Variants in PGLYRP4 observed in about 807,000 individuals in gnomAD.
The protein encoded by PGLYRP4 is peptidoglycan recognition protein 4.
Under a neutral mutation model 41.2 loss-of-function variants are expected in PGLYRP4, and 39 were observed. The observed-to-expected ratio is 0.95, with a 90% CI of 0.73 to 1.24. PGLYRP4 has a LOEUF of 1.24. PGLYRP4 is among the 50% of genes most tolerant of loss of function. The probability of loss-of-function intolerance (pLI) is 0.00; values close to 1 mark genes in which losing one functional copy is unlikely to be tolerated. For synonymous variants in PGLYRP4, 202 were observed against 186.8 expected, an observed-to-expected ratio of 1.08 and a Z score of -0.66; for missense variants, 467 against 460.7, an observed-to-expected ratio of 1.01 and a Z score of -0.13.
chr1:153,340,580 C>T lies in PGLYRP4; in HGVS notation c.626-1G>A, dbSNP rs1290764318. The T allele has an allele frequency of 1.2e-6, 2 of 1,613,498 alleles. No individual in the cohort carries two copies. Among genetic ancestry groups the T allele is most frequent in the Non-Finnish European group, 8.5e-7 (1 of 1,179,916 alleles). On this transcript the variant is annotated splice_acceptor_variant, in intron 6 of 8. Coordinates refer to ENST00000359650, the MANE Select transcript of PGLYRP4 (RefSeq NM_020393.4). LOFTEE classifies it high-confidence loss of function. ...GACCGTGGGACAACGCCGGGGCAAG[C>T]TGAGGTGGGGCGAGAAACCACAGAG...
chr1:153,341,788 G>C lies in PGLYRP4; in HGVS notation c.473-9C>G, dbSNP rs1660815165. 6.2e-7 allele frequency: 1 copy of C among 1,603,090 alleles called. No individual in the cohort carries two copies. Among genetic ancestry groups the C allele is most frequent in the Non-Finnish European group, 8.5e-7 (1 of 1,175,916 alleles). ...AGGGCTGGGACTGTGGCCTAGAAGA[G>C]AGAAATCTGTGGGAAACCTCCACCC... is the stretch of plus-strand genomic sequence containing the variant. On this transcript the variant is annotated splice_polypyrimidine_tract_variant and intron_variant, in intron 5 of 8. Transcript: ENST00000359650.
intron 8 of PGLYRP4, among the ~76,000 whole-genome samples, chr1:153,332,175 A>G (rs927460083): frequency 2.6e-5 from 4 of 152,172 alleles, no homozygotes; most frequent in African/African-American, 7.2e-5. Flanking sequence ...CACTATATCA[A>G]GTAAAACAGA....
intron 8 of PGLYRP4, among the ~76,000 whole-genome samples, chr1:153,335,043 C>T (rs1476922176): frequency 6.6e-6 from 1 of 152,014 alleles, no homozygotes; most frequent in Non-Finnish European, 1.5e-5. Context: ...TAAACATTAA[C>T]TCAAGATGGA....
chr1:153,346,000 C>G (rs774943029), intron 3 of PGLYRP4, 102 bp downstream of exon 3: 81 of 841,892 alleles, frequency 9.6e-5, no homozygotes, highest in Non-Finnish European at 1.5e-4. Flanking sequence ...CCATTTTCCC[C>G]CTCCCAGTCA....
chr1:153,343,226 A>G lies in PGLYRP4; in HGVS notation c.354-18T>C. The G allele has an allele frequency of 6.4e-7, 1 of 1,556,728 alleles. No homozygotes were observed. Among genetic ancestry groups the G allele is most frequent in the African/African-American group, 1.4e-5 (1 of 73,922 alleles). On this transcript the variant is annotated intron_variant, in intron 4 of 8. Coordinates refer to ENST00000359650, the MANE Select transcript of PGLYRP4 (RefSeq NM_020393.4). ...CCAGGAAGCTATGGAGCAAGATAAT[A>G]CAGGTTTCATGGCTGGCACTGTAGG... is the stretch of plus-strand genomic sequence containing the variant.
intron 7 of PGLYRP4, among the ~76,000 whole-genome samples, chr1:153,338,372 G>A (rs1233632952): frequency 6.6e-6 from 1 of 152,170 alleles, no homozygotes; most frequent in Non-Finnish European, 1.5e-5. Context: ...TCACCACTCA[G>A]TCCTGCCTGG....
intron 3 of PGLYRP4, 37 bp from the exon 4 acceptor site, chr1:153,345,419 A>G: frequency 6.4e-7 from 1 of 1,572,750 alleles, no homozygotes; most frequent in Non-Finnish European, 8.7e-7. Flanking sequence ...CCCCATCACT[A>G]CCGCATTAGC....
chr1:153,348,002 T>A, intron 1 of PGLYRP4, 24 bp from the exon 2 acceptor site: 1 of 1,258,246 alleles, frequency 7.9e-7, no homozygotes, highest in Non-Finnish European at 1.2e-6. Flanking sequence ...TGACAGTTGT[T>A]AACATGACCA....
chr1:153,346,277 C>T lies in PGLYRP4; in HGVS notation c.50-86G>A, dbSNP rs1661006750. On this transcript the variant is annotated intron_variant, in intron 2 of 8. Coordinates refer to ENST00000359650, the MANE Select transcript of PGLYRP4 (RefSeq NM_020393.4). ...CAGCTCTGAACAGAAACAGCCATCC[C>T]CTCTCCACTGCCCCTCTGCCTCCTC... 3 of 967,678 alleles carry T rather than the reference C, an allele frequency of 3.1e-6. No individual in the cohort carries two copies. In the South Asian group the frequency reaches 3.9e-5, roughly 13 times the overall value. 59.9% of individuals were successfully genotyped at this position (967,678 alleles called of 1,614,324 possible). A position where few individuals can be genotyped will look rare whatever the true frequency, so the allele number is the denominator to read the frequency against.
chr1:153,346,380 T>G (rs1661009202), intron 2 of PGLYRP4, among the ~76,000 whole-genome samples, 189 bp from the exon 3 acceptor site: 1 of 152,006 alleles, frequency 6.6e-6, no homozygotes, highest in African/African-American at 2.4e-5. Flanking sequence ...TGGCATAACT[T>G]CCTTCCATGC....
Position 153,340,643 on chromosome 1 carries a change from C to T in PGLYRP4, c.626-64G>A, listed in dbSNP as rs566501672. 33 of 1,523,112 alleles carry T rather than the reference C, an allele frequency of 2.2e-5. No homozygotes were observed. The Admixed American group carries it at 4.6e-4, about 21-fold the overall frequency. The allele number at this position is 1,523,112 out of a possible 1,614,324, so 94.3% of individuals were successfully genotyped here. ...CCATCTATGCCAGCCACTTCTCCAC[C>T]GTAGGCTGATATAATGCTCAGGACC... On this transcript the variant is annotated intron_variant, in intron 6 of 8. Transcript: ENST00000359650.
chr1:153,334,515 CAAG>C (rs1327482621), intron 8 of PGLYRP4, among the ~76,000 whole-genome samples: 4 of 135,040 alleles, frequency 3.0e-5, no homozygotes, highest in African/African-American at 1.1e-4. Flanking sequence ...AAGATCTCTA[CAAG>C]AAGAACTACA....
chr1:153,346,659 G>A (rs1349903606), intron 2 of PGLYRP4, among the ~76,000 whole-genome samples: 1 of 152,232 alleles, frequency 6.6e-6, no homozygotes, highest in African/African-American at 2.4e-5. Flanking sequence ...TCTCCTGTCT[G>A]AAGGCCCATG....
intron 6 of PGLYRP4, 77 bp downstream of exon 6, chr1:153,341,550 G>A (rs1333035627): frequency 7.6e-7 from 1 of 1,323,806 alleles, no homozygotes; most frequent in Non-Finnish European, 1.0e-6. Flanking sequence ...TACTGAAAAG[G>A]TCACTCCCAA....
At chr1:153,337,378 T>TGA in intron 7 of PGLYRP4, 79 bp from the exon 8 acceptor site, 1 of 828,462 alleles carries the variant, frequency 1.2e-6, no homozygotes, top group Non-Finnish European at 2.0e-6. Flanking sequence ...AATTTATTCA[T>TGA]GTCTTTACTA....
chr1:153,345,332 C>A lies in PGLYRP4; in HGVS notation c.190G>T (p.Glu64Ter). 1 of 1,614,202 alleles carries A rather than the reference C, an allele frequency of 6.2e-7. No homozygotes were observed. The highest frequency in any genetic ancestry group is 8.5e-7 in the Non-Finnish European group (1 of 1,180,016). Residue 64 changes from glutamate (E) to a stop codon, truncating the protein, a stop_gained, in exon 4 of 9, where the codon GAA becomes TAA. Transcript: ENST00000359650. LOFTEE classifies it high-confidence loss of function. ...TTVSRKAWGAEAVGCSIQLTT... is the reference protein window; with the variant it reads ...TTVSRKAWGA ...AGCTGAATACTGCAGCCAACAGCTTCTGCCCCCCATGCCTTGCGAGAGACC... is the reference window on the plus strand; with the variant it reads ...AGCTGAATACTGCAGCCAACAGCTTATGCCCCCCATGCCTTGCGAGAGACC...
intron 8 of PGLYRP4, 82 bp downstream of exon 8, chr1:153,337,099 G>A: frequency 9.6e-7 from 1 of 1,041,942 alleles, no homozygotes; most frequent in East Asian, 2.4e-5. Context: ...AATGACGCTT[G>A]AGACTGAGAC....
At chr1:153,336,312 A>G (rs1212049712) in intron 8 of PGLYRP4, among the ~76,000 whole-genome samples, 1 of 139,218 alleles carries the variant, frequency 7.2e-6, no homozygotes, top group Non-Finnish European at 1.5e-5. Flanking sequence ...CGGAGGTTTC[A>G]GTAAGCCAAA....
At chr1:153,343,010 A>C in intron 5 of PGLYRP4, 80 bp downstream of exon 5, 1 of 798,558 alleles carries the variant, frequency 1.3e-6, no homozygotes, top group Non-Finnish European at 2.2e-6. Context: ...AGAGTAGCAG[A>C]TAGCTAGTTC....
Sources: allele counts gnomAD v4.1 joint callset (sites outside exome capture counted in the v4.1 genomes callset), GRCh38; gene constraint gnomAD v4.1.1; transcripts MANE v1.5; gene names NCBI Gene and HGNC (gene_info 2026-07-23, HGNC 2026-07-21).